The following DOCK7 variants were observed in gnomAD, a reference collection of about 807,000 sequenced individuals.
DOCK7 encodes dedicator of cytokinesis 7, also known as dedicator of cytokinesis protein 7.
DOCK7 carries 138 observed loss-of-function variants against 271.0 expected under a neutral mutation model. The ratio of observed to expected loss-of-function variants is 0.51; its 90% CI spans 0.44 to 0.59. The LOEUF (loss-of-function observed/expected upper bound fraction) is 0.59. Among genes scored for constraint, DOCK7 ranks in the 20% least tolerant of loss-of-function variants. The pLI is 0.00. For missense variants in DOCK7, 2,066 were observed against 2,592.4 expected (o/e 0.80, Z 4.41); for synonymous variants, 823 against 876.1 (o/e 0.94, Z 1.07).
chr1:62,508,206 T>A, intron 34 of DOCK7, 148 bp from the exon 35 acceptor site: 1 of 701,886 alleles, frequency 1.4e-6, no homozygotes, highest in Non-Finnish European at 2.2e-6. Context: ...AAAAAGGCAG[T>A]AGTTTACACA....
intron 34 of DOCK7, among the ~76,000 whole-genome samples, chr1:62,508,601 A>C (rs1206320439): frequency 6.6e-6 from 1 of 152,138 alleles, no homozygotes; most frequent in Admixed American, 6.6e-5. Context: ...AAATTTGGGG[A>C]AAAAAGGATG....
intron 14 of DOCK7, among the ~76,000 whole-genome samples, chr1:62,606,698 T>C (rs1651048884): frequency 6.6e-6 from 1 of 152,182 alleles, no homozygotes; most frequent in Non-Finnish European, 1.5e-5. Flanking sequence ...TATTCCTTTC[T>C]CATATTTAGT....
rs1168018 is a variant in DOCK7 at position 62,535,449 on chromosome 1, A to C, written c.3611+44T>G. 0.64 allele frequency: 1,008,239 copies of C among 1,572,878 alleles called. 328,466 individuals are homozygous for C. Among genetic ancestry groups the C allele is most frequent in the East Asian group, 0.77 (34,009 of 44,300 alleles). ...AGTGGAATACTTCTGTCCACTGTTC[A>C]AAATCAAACTCATATTCTACAAGGT... is the stretch of plus-strand genomic sequence containing the variant. On this transcript the variant is annotated intron_variant, in intron 29 of 49. Transcript: ENST00000635253.
chr1:62,562,283 G>C (rs935304962), intron 18 of DOCK7, among the ~76,000 whole-genome samples: 1 of 124,258 alleles, frequency 8.0e-6, no homozygotes, highest in Non-Finnish European at 1.6e-5. Flanking sequence ...CCAGGCCGGA[G>C]TGCAGTGGCA....
chr1:62,682,335 C>T (rs1572009280), intron 1 of DOCK7, among the ~76,000 whole-genome samples: 2 of 152,256 alleles, frequency 1.3e-5, no homozygotes, highest in Admixed American at 1.3e-4. Context: ...ACTAGATCAG[C>T]TAGTAGCTTT....
intron 2 of DOCK7, among the ~76,000 whole-genome samples, chr1:62,658,084 A>G (rs1486401095): frequency 6.6e-6 from 1 of 151,902 alleles, no homozygotes; most frequent in Non-Finnish European, 1.5e-5. Flanking sequence ...CAAACCTTAA[A>G]CAGGATAAAC....
intron 18 of DOCK7, among the ~76,000 whole-genome samples, chr1:62,573,514 T>C (rs1028427241): frequency 6.6e-6 from 1 of 152,298 alleles, no homozygotes; most frequent in African/African-American, 2.4e-5. Context: ...AATAATATTA[T>C]AAAGCAGAGA....
At chr1:62,611,844 C>T (rs1262161614) in intron 14 of DOCK7, among the ~76,000 whole-genome samples, 4 of 151,902 alleles carry the variant, frequency 2.6e-5, no homozygotes, top group African/African-American at 9.7e-5. Flanking sequence ...TTGAGGTTAA[C>T]TTTTAAAAGT....
In DOCK7 at chr1:62,496,487, C is replaced by T; in HGVS notation, c.4775G>A (p.Arg1592Lys). 6.2e-7 allele frequency: 1 copy of T among 1,611,822 alleles called. No individual in the cohort carries two copies. Among genetic ancestry groups the T allele is most frequent in the Non-Finnish European group, 8.5e-7 (1 of 1,179,264 alleles). The stretch of plus-strand genomic sequence containing the variant: ...TGACATTGTTACCTGCATTTTAACC[C>T]TGGCAAAGTTCTGTAACAGAGAAAT... ...QNFEIGNNFA[R>K]VKMQVTMSLS... Residue 1592 changes from arginine to lysine, a missense_variant, in exon 38 of 50, where the codon AGG becomes AAG. By Grantham distance (26) the Arg-to-Lys change is conservative (BLOSUM62 2). Transcript: ENST00000635253.
At chr1:62,525,146 C>T (rs1296217077) in intron 31 of DOCK7, among the ~76,000 whole-genome samples, 1 of 151,024 alleles carries the variant, frequency 6.6e-6, no homozygotes, top group Non-Finnish European at 1.5e-5. Context: ...GCTGGGATTA[C>T]AGGCGCCCAC....
chr1:62,685,495 TAA>T (rs1455092659), intron 1 of DOCK7, among the ~76,000 whole-genome samples: 1 of 152,170 alleles, frequency 6.6e-6, no homozygotes, highest in Non-Finnish European at 1.5e-5. Flanking sequence ...CCTTCCAAGT[TAA>T]GTCTGCACAT....
chr1:62,652,212 T>C (rs1657468712), intron 4 of DOCK7, among the ~76,000 whole-genome samples: 1 of 152,198 alleles, frequency 6.6e-6, no homozygotes, highest in Non-Finnish European at 1.5e-5. Context: ...GTTCTGAGCT[T>C]AAAGCACTAC....
At chr1:62,613,674 A>G (rs929061490) in intron 14 of DOCK7, among the ~76,000 whole-genome samples, 7 of 152,162 alleles carry the variant, frequency 4.6e-5, no homozygotes, top group Admixed American at 1.3e-4. Flanking sequence ...TTCAGAATAC[A>G]GTTCTCTTTC....
At chr1:62,651,096 C>A (rs1320317142) in intron 4 of DOCK7, among the ~76,000 whole-genome samples, 1 of 151,726 alleles carries the variant, frequency 6.6e-6, no homozygotes, top group African/African-American at 2.4e-5. Context: ...ACATATACAC[C>A]ATGGAATACT....
chr1:62,680,363 C>T (rs1303290018), intron 1 of DOCK7, among the ~76,000 whole-genome samples: 2 of 152,156 alleles, frequency 1.3e-5, no homozygotes, highest in African/African-American at 2.4e-5. Flanking sequence ...GGATCCCTTC[C>T]TTACACCTTA....
intron 1 of DOCK7, among the ~76,000 whole-genome samples, chr1:62,683,245 T>A (rs948916490): frequency 2.0e-5 from 3 of 152,072 alleles, no homozygotes; most frequent in Non-Finnish European, 4.4e-5. Flanking sequence ...GTGAGATGAG[T>A]ACAACAAAAG....
intron 41 of DOCK7, among the ~76,000 whole-genome samples, chr1:62,490,066 T>TG (rs972979483): frequency 8.0e-5 from 12 of 150,464 alleles, no homozygotes; most frequent in Admixed American, 7.9e-4. Context: ...TATCCTTTTT[T>TG]TTTTTTTTTT....
intron 31 of DOCK7, among the ~76,000 whole-genome samples, chr1:62,525,029 A>C (rs548801802): frequency 6.7e-6 from 1 of 149,614 alleles, no homozygotes; most frequent in Non-Finnish European, 1.5e-5. Flanking sequence ...TTTTTGAGAT[A>C]GAGTCTTGCT....
chr1:62,563,863 C>CAAAAAAAAAAAAAA (rs71045848), intron 18 of DOCK7, among the ~76,000 whole-genome samples: 1 of 38,816 alleles, frequency 2.6e-5, no homozygotes, highest in African/African-American at 1.0e-4. Flanking sequence ...ATTTACCAAG[C>CAAAAAAAAAAAAAA]AAAAAAAAAA....
Sources: allele counts gnomAD v4.1 joint callset (sites outside exome capture counted in the v4.1 genomes callset), GRCh38; gene constraint gnomAD v4.1.1; transcripts MANE v1.5; gene names NCBI Gene and HGNC (gene_info 2026-07-23, HGNC 2026-07-21).